UGT1A6: variants seen among roughly 807,000 people sequenced by gnomAD.
UGT1A6 encodes the protein UDP-glucuronosyltransferase 1A6.
Under a neutral mutation model 44.4 loss-of-function variants are expected in UGT1A6, and 32 were observed. That is an observed-to-expected ratio of 0.72 (90% CI 0.54 to 0.97). The LOEUF is 0.97. UGT1A6 is among the 50% of genes least tolerant of loss of function. The probability of loss-of-function intolerance (pLI) is 0.00; values close to 1 mark genes in which losing one functional copy is unlikely to be tolerated. For synonymous variants in UGT1A6, 238 were observed against 248.5 expected, an observed-to-expected ratio of 0.96 and a Z score of 0.40; for missense variants, 685 against 661.9, an observed-to-expected ratio of 1.03 and a Z score of -0.38.
intron 1 of UGT1A6, among the ~76,000 whole-genome samples, chr2:233,736,629 C>T (rs558858921): frequency 6.6e-6 from 1 of 152,208 alleles, no homozygotes; most frequent in Admixed American, 6.5e-5. Flanking sequence ...CTTTTCTGCT[C>T]TAGTTTCCCC....
At position 233,713,243 on chromosome 2, in the gene UGT1A6, G is replaced by A. The variant is rs1157083757; in HGVS notation, c.861+19378G>A. ...CCCTGACAACGTATGCCATTTCATG[G>A]ACCCAGGACGAATTTGATCGCCTTT... On this transcript the variant is annotated intron_variant, in intron 1 of 4. Transcript: ENST00000305139. The A allele has an allele frequency of 1.2e-6, 2 of 1,614,222 alleles. 1 individual carries two copies. The highest frequency in any genetic ancestry group is 2.2e-5 in the South Asian group (2 of 91,088).
intron 1 of UGT1A6, among the ~76,000 whole-genome samples, chr2:233,761,308 T>C (rs72551346): frequency 6.6e-6 from 1 of 152,246 alleles, no homozygotes; most frequent in Non-Finnish European, 1.5e-5. Context: ...GAGTCTGTCT[T>C]TGGCATCATC....
At chr2:233,746,687 C>T (rs192486679) in intron 1 of UGT1A6, among the ~76,000 whole-genome samples, 86 of 151,912 alleles carry the variant, frequency 5.7e-4, no homozygotes, top group Non-Finnish European at 1.1e-3. Context: ...AGGGCTCACA[C>T]ATTCCATAAA....
At chr2:233,697,548 GTTTA>G (rs1421129202) in intron 1 of UGT1A6, among the ~76,000 whole-genome samples, 1 of 142,316 alleles carries the variant, frequency 7.0e-6, no homozygotes, top group Non-Finnish European at 1.5e-5. Context: ...TCTTTGCATT[GTTTA>G]TTTAGCCTCA....
intron 1 of UGT1A6, chr2:233,729,803 C>G (rs771141060): frequency 8.1e-6 from 13 of 1,613,810 alleles, no homozygotes; most frequent in Admixed American, 3.3e-5. Context: ...ATTTGCCATG[C>G]TTTTTCTGCT....
chr2:233,750,292 G>T (rs1321063731), intron 1 of UGT1A6, among the ~76,000 whole-genome samples: 1 of 151,952 alleles, frequency 6.6e-6, no homozygotes, highest in Non-Finnish European at 1.5e-5. Context: ...GTGGCATTTT[G>T]CCCCTGCCCT....
intron 1 of UGT1A6, chr2:233,729,328 C>T (rs765145094): frequency 7.4e-6 from 12 of 1,614,122 alleles, no homozygotes; most frequent in South Asian, 2.2e-5. Context: ...GGTGAATATG[C>T]ACATCAAAGA....
In UGT1A6 at chr2:233,772,329, G is replaced by T; in HGVS notation, c.1369G>T (p.Ala457Ser). The change falls in exon 5 of 5, where the codon GCC becomes TCC. Residue 457 changes from alanine to serine, a missense_variant. Coordinates refer to ENST00000305139, the MANE Select transcript of UGT1A6 (RefSeq NM_001072.4). Reference protein sequence around the residue: ...KDRPVEPLDLAVFWVEFVMRH... With the variant: ...KDRPVEPLDLSVFWVEFVMRH... ...CCGCCCGGTGGAGCCGCTGGACCTG[G>T]CCGTGTTCTGGGTGGAGTTTGTGAT... 6.2e-7 allele frequency: 1 copy of T among 1,614,164 alleles called. No individual in the cohort carries two copies. The highest frequency in any genetic ancestry group is 8.5e-7 in the Non-Finnish European group (1 of 1,180,030).
At chr2:233,718,755 C>G (rs372600165) in intron 1 of UGT1A6, 10 of 1,612,204 alleles carry the variant, frequency 6.2e-6, no homozygotes, top group East Asian at 4.5e-5. Flanking sequence ...GTAATTAAGG[C>G]GAAGGAAACA....
At chr2:233,768,775 G>A (rs577472067) in intron 4 of UGT1A6, among the ~76,000 whole-genome samples, 18 of 151,802 alleles carry the variant, frequency 1.2e-4, no homozygotes, top group Admixed American at 9.2e-4. Flanking sequence ...GTAGAGAAAG[G>A]GTTTCACCAT....
rs909756512 is a variant in UGT1A6 at position 233,724,934 on chromosome 2, C to T, written c.861+31069C>T. On this transcript the variant is annotated intron_variant, in intron 1 of 4. Coordinates refer to ENST00000305139, the MANE Select transcript of UGT1A6 (RefSeq NM_001072.4). ...ATTGAGCACTGAGTGAACGAGACTCCGTCTGCAATCCCGGCACCTCGGGAG... is the reference window on the plus strand; with the variant it reads ...ATTGAGCACTGAGTGAACGAGACTCTGTCTGCAATCCCGGCACCTCGGGAG... 1.0e-4 allele frequency among the ~76,000 whole-genome samples: 15 copies of T among 143,608 alleles called. 1 individual carries two copies. The highest frequency in any genetic ancestry group is 2.5e-4 in the South Asian group (1 of 4,034). 94.2% of individuals were successfully genotyped at this position (143,608 alleles called of 152,430 possible).
chr2:233,747,488 T>C lies in UGT1A6; in HGVS notation c.862-19546T>C. 5.0e-6 allele frequency: 8 copies of C among 1,608,972 alleles called. No homozygotes were observed. In the South Asian group the frequency reaches 8.8e-5, roughly 18 times the overall value. On this transcript the variant is annotated intron_variant, in intron 1 of 4. Coordinates refer to ENST00000305139, the MANE Select transcript of UGT1A6 (RefSeq NM_001072.4). Reference sequence around the variant, plus strand: ...GGACCCAGGATGAATTTGATCGCCTTGTGCTGGGCCACACTCAACTGTACT... The same window carrying C: ...GGACCCAGGATGAATTTGATCGCCTCGTGCTGGGCCACACTCAACTGTACT...
At chr2:233,713,063 C>G in intron 1 of UGT1A6, 2 of 1,614,158 alleles carry the variant, frequency 1.2e-6, no homozygotes, top group Non-Finnish European at 1.7e-6. Context: ...GTGTCCAGCC[C>G]TGGGCTGAGA....
intron 1 of UGT1A6, among the ~76,000 whole-genome samples, chr2:233,700,533 G>A (rs1285973817): frequency 3.3e-5 from 5 of 152,126 alleles, no homozygotes; most frequent in Non-Finnish European, 4.4e-5. Flanking sequence ...ATAACTCTAG[G>A]AGAATGAGAA....
intron 1 of UGT1A6, among the ~76,000 whole-genome samples, chr2:233,744,769 C>T (rs1692917146): frequency 6.6e-6 from 1 of 151,856 alleles, no homozygotes; most frequent in Non-Finnish European, 1.5e-5. Flanking sequence ...TTTAACTTTG[C>T]AAAATTCTCC....
chr2:233,700,524 T>A (rs1335127012), intron 1 of UGT1A6, among the ~76,000 whole-genome samples: 1 of 152,166 alleles, frequency 6.6e-6, no homozygotes, highest in Non-Finnish European at 1.5e-5. Flanking sequence ...GTAATTTAGA[T>A]AACTCTAGGA....
chr2:233,772,588 TG>T lies in UGT1A6; in HGVS notation c.*30del, dbSNP rs774491304. The T allele has an allele frequency of 1.9e-6, 3 of 1,604,040 alleles. No homozygotes were observed. The South Asian group carries it at 3.3e-5, about 18-fold the overall frequency. On this transcript the variant is annotated 3_prime_UTR_variant, in exon 5 of 5. Transcript: ENST00000305139. ...GTGGGTGGGAAATAAGGTAAAATTT[TG>T]AACCATTCCCTAGTCATTTCCAAAC...
intron 1 of UGT1A6, among the ~76,000 whole-genome samples, chr2:233,700,945 C>T (rs1367843958): frequency 1.3e-5 from 2 of 152,032 alleles, no homozygotes; most frequent in Non-Finnish European, 2.9e-5. Flanking sequence ...GTTCAATTCC[C>T]ACCTATGAGT....
chr2:233,767,313 T>G, intron 2 of UGT1A6, 148 bp downstream of exon 2: 1 of 1,512,132 alleles, frequency 6.6e-7, no homozygotes, highest in Non-Finnish European at 8.8e-7. Flanking sequence ...AGGTTTTTTT[T>G]GTTGTTGTGG....
Sources: gnomAD v4.1 joint callset for allele counts (sites outside exome capture counted in the v4.1 genomes callset) on GRCh38, gnomAD v4.1.1 for gene constraint, MANE v1.5 for transcripts, NCBI Gene and HGNC (gene_info 2026-07-23, HGNC 2026-07-21) for gene names.